The following ZNF608 variants were observed in gnomAD, a reference collection of about 807,000 sequenced individuals.
The protein encoded by ZNF608 is zinc finger protein 608, also known as renal carcinoma antigen NY-REN-36.
ZNF608 carries 12 observed loss-of-function variants against 109.0 expected under a neutral mutation model. The observed-to-expected ratio is 0.11, with a 90% CI of 0.07 to 0.18. The LOEUF is 0.18. Ranked by LOEUF, ZNF608 falls within the 10% of genes least tolerant of loss-of-function variation. The pLI is 1.00. For missense variants in ZNF608, 1,707 were observed against 1,879.3 expected (o/e 0.91, Z 1.70); for synonymous variants, 732 against 717.4 (o/e 1.02, Z -0.33).
intron 3 of ZNF608, among the ~76,000 whole-genome samples, 177 bp downstream of exon 3, chr5:124,700,835 CAG>C (rs1753021595): frequency 6.6e-5 from 10 of 152,320 alleles, no homozygotes; most frequent in Admixed American, 2.0e-4. Flanking sequence ...AATTTAAAAG[CAG>C]CCATGCACAA....
chr5:124,747,882 C>A (rs1271146409), upstream of ZNF608, among the ~76,000 whole-genome samples: 1 of 152,126 alleles, frequency 6.6e-6, no homozygotes, highest in African/African-American at 2.4e-5. Flanking sequence ...ATTTTAGGGA[C>A]CCCCACTTCA....
In ZNF608 at chr5:124,643,542, T is replaced by G; in HGVS notation, c.4265A>C (p.His1422Pro). Residue 1422 changes from histidine to proline, a missense_variant, in exon 7 of 10, where the codon CAT becomes CCT. By Grantham distance (77) the His-to-Pro change is moderately conservative (BLOSUM62 -2). Around this residue, in one of 7 missense-constraint regions of ZNF608, gnomAD observed 1,073 missense variants for 1,133.5 expected, o/e 0.95. Coordinates refer to ENST00000513986, the MANE Select transcript of ZNF608 (RefSeq NM_020747.3). Reference sequence around the variant, plus strand: ...AGACTTGCTGCGGTATTGGTTAGCATGCTGCTGGAGCAAATCCAGTGCTTT... The same window carrying G: ...AGACTTGCTGCGGTATTGGTTAGCAGGCTGCTGGAGCAAATCCAGTGCTTT... ...ESKALDLLQQ[H>P]ANQYRSKSPA... 6.2e-7 allele frequency: 1 copy of G among 1,614,230 alleles called. No homozygotes were observed. Among genetic ancestry groups the G allele is most frequent in the Non-Finnish European group, 8.5e-7 (1 of 1,180,040 alleles).
chr5:124,738,000 G>T (rs1419191146), intron 2 of ZNF608, among the ~76,000 whole-genome samples: 2 of 152,140 alleles, frequency 1.3e-5, no homozygotes, highest in African/African-American at 4.8e-5. Flanking sequence ...CAACAGAGTG[G>T]AACGTAAAAC....
chr5:124,746,659 T>G (rs1202150408), upstream of ZNF608: 4 of 985,178 alleles, frequency 4.1e-6, no homozygotes, highest in African/African-American at 1.7e-5. Context: ...TGTGCTAACA[T>G]CGGGATAAAT....
intron 7 of ZNF608, among the ~76,000 whole-genome samples, chr5:124,643,052 G>T (rs1371208575): frequency 6.6e-6 from 1 of 152,102 alleles, no homozygotes; most frequent in African/African-American, 2.4e-5. Flanking sequence ...TAAAATGTCT[G>T]ATTTTTAAAA....
intron 3 of ZNF608, 145 bp downstream of exon 3, chr5:124,700,869 T>A: frequency 8.7e-7 from 1 of 1,151,150 alleles, no homozygotes. Context: ...CGGCTCTTAC[T>A]TCCAACACAA....
chr5:124,688,287 T>C (rs371352698), intron 3 of ZNF608, among the ~76,000 whole-genome samples: 3 of 152,098 alleles, frequency 2.0e-5, no homozygotes, highest in South Asian at 2.1e-4. Flanking sequence ...AAGCCCTCCA[T>C]TGAGGCAGAG....
At position 124,639,790 on chromosome 5, in the gene ZNF608, C is replaced by T. The variant is rs529742747; in HGVS notation, c.4451-576G>A. Among the ~76,000 whole-genome samples, 7 of 152,196 alleles carry T rather than the reference C, an allele frequency of 4.6e-5. No homozygotes were observed. The South Asian group carries it at 1.5e-3, about 32-fold the overall frequency. ...GCCTAACAGAGAATTCTTTTAAATTCTATAGAAGACAGTCCTGGGGAAAAA... is the reference window on the plus strand; with the variant it reads ...GCCTAACAGAGAATTCTTTTAAATTTTATAGAAGACAGTCCTGGGGAAAAA... On this transcript the variant is annotated intron_variant, in intron 8 of 9. Coordinates refer to ENST00000513986, the MANE Select transcript of ZNF608 (RefSeq NM_020747.3).
At chr5:124,694,483 T>TG (rs1752761263) in intron 3 of ZNF608, among the ~76,000 whole-genome samples, 1 of 152,134 alleles carries the variant, frequency 6.6e-6, no homozygotes, top group Non-Finnish European at 1.5e-5. Flanking sequence ...CATGTGAAAG[T>TG]GGGTAGCACT....
chr5:124,745,290 A>C, intron 1 of ZNF608, 118 bp from the exon 2 acceptor site: 18 of 898,382 alleles, frequency 2.0e-5, no homozygotes, highest in East Asian at 4.5e-5. Context: ...AAGGTGGCTC[A>C]TGTATTGTCC....
chr5:124,655,085 CGAGA>C (rs900742686), intron 3 of ZNF608, among the ~76,000 whole-genome samples: 8 of 152,096 alleles, frequency 5.3e-5, no homozygotes, highest in African/African-American at 1.4e-4. Context: ...CGAGGACTGA[CGAGA>C]GAGAGAGTCT....
chr5:124,723,858 T>G, intron 2 of ZNF608, among the ~76,000 whole-genome samples: 1 of 152,042 alleles, frequency 6.6e-6, no homozygotes, highest in African/African-American at 2.4e-5. Context: ...TATTATACAC[T>G]GAAATACTTT....
At chr5:124,704,542 G>A (rs896593316) in intron 2 of ZNF608, among the ~76,000 whole-genome samples, 6 of 152,106 alleles carry the variant, frequency 3.9e-5, no homozygotes, top group African/African-American at 1.2e-4. Flanking sequence ...CACTCCCAGA[G>A]GTGTTTTTAT....
chr5:124,686,331 G>A (rs960909070), intron 3 of ZNF608, among the ~76,000 whole-genome samples: 6 of 152,170 alleles, frequency 3.9e-5, no homozygotes, highest in African/African-American at 1.4e-4. Flanking sequence ...TCAACATGGT[G>A]CTACTGCTTT....
At chr5:124,676,224 T>A (rs1414273349) in intron 3 of ZNF608, among the ~76,000 whole-genome samples, 2 of 152,156 alleles carry the variant, frequency 1.3e-5, no homozygotes, top group Non-Finnish European at 2.9e-5. Flanking sequence ...CCTAGAGCCA[T>A]CTGAGGGGCG....
chr5:124,736,713 C>G (rs1371086684), intron 2 of ZNF608, among the ~76,000 whole-genome samples: 1 of 152,190 alleles, frequency 6.6e-6, no homozygotes, highest in Non-Finnish European at 1.5e-5. Context: ...GGCCAGAGGG[C>G]CAGATGTGCT....
chr5:124,651,537 C>T (rs1051744256), intron 3 of ZNF608, among the ~76,000 whole-genome samples: 48 of 152,184 alleles, frequency 3.2e-4, no homozygotes, highest in African/African-American at 1.1e-3. Flanking sequence ...TTCCAGAGTC[C>T]CTGATGTAGC....
chr5:124,683,750 C>T (rs1294833955), intron 3 of ZNF608, among the ~76,000 whole-genome samples: 1 of 152,150 alleles, frequency 6.6e-6, no homozygotes, highest in Non-Finnish European at 1.5e-5. Context: ...TGTTAACTCT[C>T]GTGCATCCAA....
rs1189242208 is a variant in ZNF608 at position 124,744,762 on chromosome 5, G to A, written c.228C>T (p.Thr76=). ...ATTTTAGGCCATCAGCTAAGGCTGC[G>A]GTAGCACCAGCCCCACTGGAGGCCG... is the stretch of plus-strand genomic sequence containing the variant. ...GGPASSGAGA[T]AALADGLKFA... Residue 76 remains threonine (T), a synonymous_variant, in exon 2 of 10, where the codon ACC becomes ACT. Transcript: ENST00000513986. This position sits in a 1 kb window ranked among gnomAD's most constrained non-coding sequence, Gnocchi z 4.5. 20 of 1,614,212 alleles carry A rather than the reference G, an allele frequency of 1.2e-5. No individual in the cohort carries two copies. Among genetic ancestry groups the A allele is most frequent in the Non-Finnish European group, 1.7e-5 (20 of 1,180,042 alleles).
Sources: gnomAD v4.1 joint callset for allele counts (sites outside exome capture counted in the v4.1 genomes callset) on GRCh38, gnomAD v4.1.1 for gene constraint, gnomAD v4.1.1 regional missense constraint, Gnocchi (gnomAD v3.1) non-coding constraint, MANE v1.5 for transcripts, NCBI Gene and HGNC (gene_info 2026-07-23, HGNC 2026-07-21) for gene names.